VSTM2B: variants seen among roughly 807,000 people sequenced by gnomAD.
VSTM2B encodes the protein V-set and transmembrane domain-containing protein 2B.
VSTM2B carries 24 observed loss-of-function variants against 24.0 expected under a neutral mutation model. That is an observed-to-expected ratio of 1.00 (90% CI 0.72 to 1.40). The LOEUF (loss-of-function observed/expected upper bound fraction) is 1.40. Ranked by LOEUF, VSTM2B falls within the 40% of genes most tolerant of loss-of-function variation. The probability of loss-of-function intolerance (pLI) is 0.00; values close to 1 mark genes in which losing one functional copy is unlikely to be tolerated. For synonymous variants in VSTM2B, 226 were observed against 194.4 expected (o/e 1.16, Z -1.35); for missense variants, 399 against 416.4 (o/e 0.96, Z 0.36).
rs770590925 is a variant in VSTM2B, at chr19:29,563,854, C to T, written c.778C>T (p.Arg260Cys). 4 of 1,552,232 alleles carry T rather than the reference C, an allele frequency of 2.6e-6. No individual in the cohort carries two copies. The South Asian group carries it at 3.6e-5, about 14-fold the overall frequency. Reference sequence around the variant, plus strand: ...TTTCTCATCCCCTGCAGGCACCGGCCGTAGCTACACCACAGACCCACTCTT... The same window carrying T: ...TTTCTCATCCCCTGCAGGCACCGGCTGTAGCTACACCACAGACCCACTCTT... ...LRQRHGSGTG[R>C]SYTTDPLLSL... Residue 260 changes from arginine (R) to cysteine (C), a missense_variant, in exon 5 of 5, where the codon CGT becomes TGT. By Grantham distance (180) the Arg-to-Cys change is radical (BLOSUM62 -3). Coordinates refer to ENST00000335523, the MANE Select transcript of VSTM2B (RefSeq NM_001146339.2).
chr19:29,551,641 T>C (rs1415524991), intron 4 of VSTM2B, among the ~76,000 whole-genome samples: 2 of 152,208 alleles, frequency 1.3e-5, no homozygotes, highest in Non-Finnish European at 2.9e-5. Flanking sequence ...AGCAAAATGA[T>C]GATACTTGCT....
intron 4 of VSTM2B, among the ~76,000 whole-genome samples, chr19:29,550,455 G>T (rs1372965811): frequency 1.3e-5 from 2 of 152,076 alleles, no homozygotes; most frequent in African/African-American, 4.8e-5. Flanking sequence ...CAATCAATGT[G>T]CTATGACAGC....
chr19:29,564,005 C>T lies in VSTM2B; in HGVS notation c.*71C>T, dbSNP rs971307935. On this transcript the variant is annotated 3_prime_UTR_variant, in exon 5 of 5. Transcript: ENST00000335523. ...CCGGGGCCCTCGGTGAGGACCATGT[C>T]GCTGGATGGACACAGAGAGACTGAG... 1.0e-4 allele frequency: 122 copies of T among 1,196,698 alleles called. 1 individual carries two copies. The Middle Eastern group carries it at 1.1e-3, about 11-fold the overall frequency. 74.1% of individuals were successfully genotyped at this position (1,196,698 alleles called of 1,614,324 possible).
At chr19:29,535,690 A>ACTACATCTCGACCCATGC (rs1459850739) in intron 4 of VSTM2B, among the ~76,000 whole-genome samples, 7 of 152,188 alleles carry the variant, frequency 4.6e-5, no homozygotes, top group Non-Finnish European at 8.8e-5. Flanking sequence ...GGAGACAGTC[A>ACTACATCTCGACCCATGC]CTACATCTCG....
intron 4 of VSTM2B, among the ~76,000 whole-genome samples, chr19:29,538,365 C>A (rs1969942999): frequency 6.6e-6 from 1 of 152,144 alleles, no homozygotes; most frequent in Non-Finnish European, 1.5e-5. Context: ...CAGGGCCTGG[C>A]ACCTAGAATA....
At chr19:29,554,626 G>A (rs10424236) in intron 4 of VSTM2B, among the ~76,000 whole-genome samples, 35,339 of 152,032 alleles carry the variant, frequency 0.23, 5,726 homozygotes, top group African/African-American at 0.46. Context: ...TAGAATGGCA[G>A]GCTGATAAAG....
rs1270801059 is a variant in VSTM2B at position 29,563,949 on chromosome 19, C to A, written c.*15C>A. The A allele has an allele frequency of 6.4e-7, 1 of 1,551,606 alleles. No individual in the cohort carries two copies. The highest frequency in any genetic ancestry group is 2.4e-5 in the East Asian group (1 of 40,940). ...TGGGACATTGACAGACAAGACCAAC[C>A]CGAGCATCTCAGAGGCCGCACATGA... is the stretch of plus-strand genomic sequence containing the variant. On this transcript the variant is annotated 3_prime_UTR_variant, in exon 5 of 5. Coordinates refer to ENST00000335523, the MANE Select transcript of VSTM2B (RefSeq NM_001146339.2).
In VSTM2B at chr19:29,547,108, G is replaced by A. The variant is rs563794176; in HGVS notation, c.770-16738G>A. Among the ~76,000 whole-genome samples, 16 of 152,270 alleles carry A rather than the reference G, an allele frequency of 1.1e-4. No individual in the cohort carries two copies. In the East Asian group the frequency reaches 3.1e-3, roughly 29 times the overall value. ...GGCCTTGGTTGGGCTGCCAGATTTA[G>A]CAAATAAAAATATAGGACCCCCCGT... On this transcript the variant is annotated intron_variant, in intron 4 of 4. Coordinates refer to ENST00000335523, the MANE Select transcript of VSTM2B (RefSeq NM_001146339.2).
At chr19:29,537,396 C>T (rs1303872616) in intron 4 of VSTM2B, among the ~76,000 whole-genome samples, 4 of 152,086 alleles carry the variant, frequency 2.6e-5, no homozygotes, top group East Asian at 1.9e-4. Context: ...GCAGCACCCT[C>T]GGTGACCGCA....
Position 29,557,022 on chromosome 19 carries a change from T to TA in VSTM2B, c.770-6816dup, listed in dbSNP as rs535263205. On this transcript the variant is annotated intron_variant, in intron 4 of 4. Coordinates refer to ENST00000335523, the MANE Select transcript of VSTM2B (RefSeq NM_001146339.2). The stretch of plus-strand genomic sequence containing the variant: ...ACCATTGACATGCTTCACAGAATCA[T>TA]AAAAAAAACTTTTAAAATTCATATG... Among the ~76,000 whole-genome samples, 1,014 of 152,048 alleles carry TA rather than the reference T, an allele frequency of 6.7e-3. 27 individuals carry two copies. The highest frequency in any genetic ancestry group is 0.059 in the Admixed American group (896 of 15,266).
intron 4 of VSTM2B, among the ~76,000 whole-genome samples, chr19:29,533,526 C>T: frequency 6.6e-6 from 1 of 152,252 alleles, no homozygotes. Flanking sequence ...GTGTCCCTCA[C>T]TCTCCAGGTG....
At chr19:29,544,051 G>A (rs1050148285) in intron 4 of VSTM2B, among the ~76,000 whole-genome samples, 2 of 151,382 alleles carry the variant, frequency 1.3e-5, no homozygotes, top group Non-Finnish European at 1.5e-5. Flanking sequence ...GTTGAAAATA[G>A]GGTTCTACTG....
chr19:29,526,959 G>T lies in VSTM2B; in HGVS notation c.83-252G>T, dbSNP rs1321662188. 2 of 473,548 alleles carry T rather than the reference G, an allele frequency of 4.2e-6. No individual in the cohort carries two copies. Among genetic ancestry groups the T allele is most frequent in the African/African-American group, 4.1e-5 (2 of 48,792 alleles). 29.3% of individuals were successfully genotyped at this position (473,548 alleles called of 1,614,324 possible). On this transcript the variant is annotated intron_variant, in intron 1 of 4. Transcript: ENST00000335523. The surrounding 1 kb of genome is among the most constrained non-coding windows in gnomAD (Gnocchi z 4.1). ...GCTCTGGCGGTGCGGCCAGGGGCGGGGGAGAAGCACGAGTCGCCCCTGCCG... is the reference window on the plus strand; with the variant it reads ...GCTCTGGCGGTGCGGCCAGGGGCGGTGGAGAAGCACGAGTCGCCCCTGCCG...
chr19:29,535,356 T>TG (rs1179601763), intron 4 of VSTM2B, among the ~76,000 whole-genome samples: 2 of 152,138 alleles, frequency 1.3e-5, no homozygotes, highest in Non-Finnish European at 2.9e-5. Context: ...GAATGGCTGG[T>TG]GTGTTGGCCA....
intron 4 of VSTM2B, among the ~76,000 whole-genome samples, chr19:29,536,464 C>T (rs1969893190): frequency 6.6e-6 from 1 of 152,258 alleles, no homozygotes. Flanking sequence ...AGTCAGCTCA[C>T]TGGGCAACCA....
At position 29,529,817 on chromosome 19, in the gene VSTM2B, A is replaced by G; in HGVS notation, c.298-2A>G. On this transcript the variant is annotated splice_acceptor_variant, in intron 3 of 4. Transcript: ENST00000335523. LOFTEE classifies it high-confidence loss of function. Reference sequence around the variant, plus strand: ...CCGGCCTCTAACCCTGCTCTCTTGCAGACCGTACGCGTCCAGGGCAATGAC... The same window carrying G: ...CCGGCCTCTAACCCTGCTCTCTTGCGGACCGTACGCGTCCAGGGCAATGAC... The G allele has an allele frequency of 6.5e-7, 1 of 1,549,016 alleles. No homozygotes were observed. Among genetic ancestry groups the G allele is most frequent in the Non-Finnish European group, 8.7e-7 (1 of 1,146,238 alleles).
Position 29,551,443 on chromosome 19 carries a change from T to C in VSTM2B, c.770-12403T>C, listed in dbSNP as rs74456176. Among the ~76,000 whole-genome samples, 484 of 151,084 alleles carry C rather than the reference T, an allele frequency of 3.2e-3. 1 individual carries two copies. Among genetic ancestry groups the C allele is most frequent in the Non-Finnish European group, 5.5e-3 (372 of 67,722 alleles). On this transcript the variant is annotated intron_variant, in intron 4 of 4. Transcript: ENST00000335523. ...AGACAAGCTGCTGGGCTGGCACCTT[T>C]AGTGTGCTTATGGTGGGGTGGGGGG... is the stretch of plus-strand genomic sequence containing the variant.
intron 4 of VSTM2B, among the ~76,000 whole-genome samples, chr19:29,554,412 G>A (rs550900866): frequency 6.6e-6 from 1 of 152,316 alleles, no homozygotes; most frequent in African/African-American, 2.4e-5. Flanking sequence ...AAGAGCTCCT[G>A]AAGGAAGCAC....
chr19:29,547,196 T>A lies in VSTM2B; in HGVS notation c.770-16650T>A, dbSNP rs562511545. ...ATGAATGTAAGTATGTTCCATGCAA[T>A]ATTTGGGACATACTTGTACTAAAAA... On this transcript the variant is annotated intron_variant, in intron 4 of 4. Transcript: ENST00000335523. 1.9e-3 allele frequency among the ~76,000 whole-genome samples: 295 copies of A among 152,162 alleles called. 1 individual carries two copies. Among genetic ancestry groups the A allele is most frequent in the Non-Finnish European group, 3.6e-3 (242 of 68,030 alleles).
Sources: gnomAD v4.1 joint callset for allele counts (sites outside exome capture counted in the v4.1 genomes callset) on GRCh38, gnomAD v4.1.1 for gene constraint, Gnocchi (gnomAD v3.1) non-coding constraint, MANE v1.5 for transcripts, NCBI Gene and HGNC (gene_info 2026-07-23, HGNC 2026-07-21) for gene names.